Variants in ELFN2 observed in about 807,000 individuals in gnomAD.
The protein encoded by ELFN2 is extracellular leucine rich repeat and fibronectin type III domain containing 2, also known as protein phosphatase 1 regulatory subunit 29.
Under a neutral mutation model 45.5 loss-of-function variants are expected in ELFN2, and 17 were observed. The ratio of observed to expected loss-of-function variants is 0.37; its 90% CI spans 0.26 to 0.56. The LOEUF is 0.56. ELFN2 is among the 20% of genes least tolerant of loss of function. The pLI is 0.77. For synonymous variants in ELFN2, 550 were observed against 551.5 expected, an observed-to-expected ratio of 1.00 and a Z score of 0.04; for missense variants, 922 against 1,183.2, an observed-to-expected ratio of 0.78 and a Z score of 3.24.
intron 2 of ELFN2, among the ~76,000 whole-genome samples, chr22:37,415,393 T>C (rs1932749244): frequency 6.6e-6 from 1 of 152,166 alleles, no homozygotes; most frequent in Non-Finnish European, 1.5e-5. Context: ...GGGACAGGGC[T>C]CGCCTGATGA....
chr22:37,367,603 TCTGA>T (rs1291078134), downstream of ELFN2, among the ~76,000 whole-genome samples: 2 of 152,210 alleles, frequency 1.3e-5, no homozygotes, highest in African/African-American at 4.8e-5. Context: ...GCCCTGCCTC[TCTGA>T]CAGGGCTCTG....
intron 1 of ELFN2, among the ~76,000 whole-genome samples, chr22:37,426,703 G>C (rs1401376504): frequency 6.6e-6 from 1 of 151,926 alleles, no homozygotes; most frequent in Admixed American, 6.6e-5. Context: ...CAGAGCTGCA[G>C]TGTCTGCGAT....
At chr22:37,343,783 G>GC (rs1930621856) in intron 1 of ELFN2, among the ~76,000 whole-genome samples, 2 of 136,634 alleles carry the variant, frequency 1.5e-5, no homozygotes, top group African/African-American at 5.5e-5. Context: ...GCCCTATCTA[G>GC]CCCCTCCAGC....
intron 1 of ELFN2, among the ~76,000 whole-genome samples, chr22:37,350,474 G>A (rs1325515727): frequency 1.3e-5 from 2 of 150,430 alleles, no homozygotes; most frequent in Admixed American, 6.6e-5. Flanking sequence ...CACTCACTCA[G>A]GCCCACTACT....
chr22:37,378,200 T>C lies in ELFN2; in HGVS notation c.-462-2204A>G, dbSNP rs141201070. 3.2e-3 allele frequency among the ~76,000 whole-genome samples: 481 copies of C among 152,340 alleles called. 2 individuals carry two copies. Among genetic ancestry groups the C allele is most frequent in the South Asian group, 0.017 (83 of 4,832 alleles). On this transcript the variant is annotated intron_variant, in intron 2 of 2. Coordinates refer to ENST00000402918, the MANE Select transcript of ELFN2 (RefSeq NM_052906.5). ...CCTCTGCATCAGCTTCGGGGGCATG[T>C]GCTTGTGTGTGCAGGGGCAGGAAGG...
intron 2 of ELFN2, among the ~76,000 whole-genome samples, chr22:37,377,589 T>A (rs979155091): frequency 1.3e-5 from 2 of 152,182 alleles, no homozygotes; most frequent in African/African-American, 4.8e-5. Context: ...GGTCGGGGGT[T>A]AATCCCACAA....
intron 2 of ELFN2, among the ~76,000 whole-genome samples, chr22:37,381,624 C>T (rs150780485): frequency 1.3e-3 from 205 of 152,226 alleles, no homozygotes; most frequent in African/African-American, 4.8e-3. Context: ...GCAGCCAGCA[C>T]TACCTGACGT....
chr22:37,407,028 G>A (rs1932519231), intron 2 of ELFN2, among the ~76,000 whole-genome samples: 1 of 152,396 alleles, frequency 6.6e-6, no homozygotes, highest in South Asian at 2.1e-4. Flanking sequence ...CCTTGGCCAA[G>A]AGGACAGATG....
intron 2 of ELFN2, among the ~76,000 whole-genome samples, chr22:37,397,676 A>C (rs560072394): frequency 2.0e-5 from 3 of 152,310 alleles, no homozygotes; most frequent in Admixed American, 2.0e-4. Context: ...TCTCACTTCC[A>C]AATGAGGAAA....
At chr22:37,348,593 C>T (rs564520890) in intron 1 of ELFN2, among the ~76,000 whole-genome samples, 43 of 150,594 alleles carry the variant, frequency 2.9e-4, no homozygotes, top group Admixed American at 8.6e-4. Context: ...GATCAGACCT[C>T]GGGGCAGGGC....
chr22:37,379,848 C>G (rs980116056), intron 2 of ELFN2, among the ~76,000 whole-genome samples: 1 of 152,110 alleles, frequency 6.6e-6, no homozygotes, highest in Admixed American at 6.5e-5. Flanking sequence ...GCCCTTTCCG[C>G]CCGGGTGCTC....
chr22:37,411,218 C>T (rs1215900420), intron 2 of ELFN2, among the ~76,000 whole-genome samples: 3 of 152,220 alleles, frequency 2.0e-5, no homozygotes, highest in South Asian at 2.1e-4. Context: ...ATCACTGCAT[C>T]GCCCCATCCT....
At chr22:37,357,975 A>G (rs1033211991) in intron 1 of ELFN2, among the ~76,000 whole-genome samples, 4 of 152,190 alleles carry the variant, frequency 2.6e-5, no homozygotes, top group Non-Finnish European at 5.9e-5. Context: ...CTTTGCCAGG[A>G]GAAAAAGCCC....
downstream of ELFN2, among the ~76,000 whole-genome samples, chr22:37,367,798 G>A (rs1267189170): frequency 6.6e-6 from 1 of 152,118 alleles, no homozygotes; most frequent in Non-Finnish European, 1.5e-5. Flanking sequence ...CTCTCTGGCA[G>A]ACCGCCTTCT....
At chr22:37,403,526 C>A (rs752709438) in intron 2 of ELFN2, among the ~76,000 whole-genome samples, 1 of 152,200 alleles carries the variant, frequency 6.6e-6, no homozygotes, top group African/African-American at 2.4e-5. Flanking sequence ...GCTGGATGGG[C>A]GGTTTGGGCT....
chr22:37,426,219 T>C (rs977869371), intron 1 of ELFN2, among the ~76,000 whole-genome samples: 1 of 152,086 alleles, frequency 6.6e-6, no homozygotes, highest in Non-Finnish European at 1.5e-5. Flanking sequence ...GAGTACCACG[T>C]TCCTCCCCAG....
chr22:37,347,535 G>T (rs76618425), intron 1 of ELFN2, among the ~76,000 whole-genome samples: 630 of 152,212 alleles, frequency 4.1e-3, no homozygotes, highest in Non-Finnish European at 4.7e-3. Context: ...GGCAGCTGCT[G>T]GGAATGTACC....
chr22:37,408,712 T>C (rs992601573), intron 2 of ELFN2, among the ~76,000 whole-genome samples: 4 of 152,204 alleles, frequency 2.6e-5, no homozygotes, highest in Admixed American at 1.3e-4. Context: ...CAGGTTCAGA[T>C]GGCCAGTTTC....
intron 2 of ELFN2, among the ~76,000 whole-genome samples, chr22:37,398,380 C>A (rs1268738735): frequency 6.6e-6 from 1 of 152,142 alleles, no homozygotes; most frequent in East Asian, 1.9e-4. Flanking sequence ...TCTCCTTCCA[C>A]TTCCAGAAAG....
Sources: allele counts gnomAD v4.1 joint callset (sites outside exome capture counted in the v4.1 genomes callset), GRCh38; gene constraint gnomAD v4.1.1; transcripts MANE v1.5; gene names NCBI Gene and HGNC (gene_info 2026-07-23, HGNC 2026-07-21).